The following UNC13B variants were observed in gnomAD, a reference collection of about 807,000 sequenced individuals.
UNC13B encodes the protein protein unc-13 homolog B.
Under a neutral mutation model 211.0 loss-of-function variants are expected in UNC13B, and 144 were observed. The observed-to-expected ratio is 0.68, with a 90% CI of 0.60 to 0.78. The LOEUF is 0.78. UNC13B is among the 30% of genes least tolerant of loss of function. UNC13B has a pLI of 0.00. For synonymous variants in UNC13B, 709 were observed against 725.8 expected, an observed-to-expected ratio of 0.98 and a Z score of 0.37; for missense variants, 1,777 against 2,002.0, an observed-to-expected ratio of 0.89 and a Z score of 2.14.
chr9:35,245,869 A>G (rs1826065442), intron 6 of UNC13B, among the ~76,000 whole-genome samples: 1 of 152,138 alleles, frequency 6.6e-6, no homozygotes, highest in Non-Finnish European at 1.5e-5. Flanking sequence ...TATACCCAGT[A>G]ATGGGATGGC....
chr9:35,270,568 G>A (rs1356573050), intron 7 of UNC13B, among the ~76,000 whole-genome samples: 1 of 152,054 alleles, frequency 6.6e-6, no homozygotes, highest in Non-Finnish European at 1.5e-5. Context: ...TAAGACAACA[G>A]TCTTTAAGAT....
intron 1 of UNC13B, among the ~76,000 whole-genome samples, chr9:35,206,830 C>T (rs529640336): frequency 4.7e-5 from 7 of 148,280 alleles, no homozygotes; most frequent in South Asian, 4.3e-4. Flanking sequence ...GCTGAGATCG[C>T]GCCACTGCAC....
chr9:35,181,793 G>A (rs1680988111), intron 1 of UNC13B, among the ~76,000 whole-genome samples: 2 of 152,102 alleles, frequency 1.3e-5, no homozygotes, highest in Admixed American at 1.3e-4. Context: ...GGCCAGATCA[G>A]CCACTGCACT....
chr9:35,178,281 G>A (rs1821746354), intron 1 of UNC13B, among the ~76,000 whole-genome samples: 4 of 152,086 alleles, frequency 2.6e-5, no homozygotes, highest in Admixed American at 2.6e-4. Context: ...AGGCCAAGAC[G>A]GGTAGATCAC....
chr9:35,328,979 G>A (rs1369738978), intron 11 of UNC13B, among the ~76,000 whole-genome samples: 1 of 151,804 alleles, frequency 6.6e-6, no homozygotes, highest in African/African-American at 2.4e-5. Context: ...CACTGTGTTA[G>A]CTAAGATGGT....
chr9:35,397,026 G>T (rs998882205), intron 28 of UNC13B, 89 bp downstream of exon 28: 10 of 1,599,570 alleles, frequency 6.3e-6, no homozygotes, highest in Non-Finnish European at 8.6e-6. Flanking sequence ...TGGCCAGGAT[G>T]GCTATGCCTG....
chr9:35,262,126 C>T (rs1424336373), intron 7 of UNC13B, among the ~76,000 whole-genome samples: 3 of 152,116 alleles, frequency 2.0e-5, no homozygotes, highest in Non-Finnish European at 4.4e-5. Context: ...TCATAGCCTT[C>T]CCCCGCCATG....
chr9:35,215,098 T>C (rs184135466), intron 1 of UNC13B, among the ~76,000 whole-genome samples: 132 of 152,296 alleles, frequency 8.7e-4, no homozygotes, highest in African/African-American at 3.1e-3. Context: ...AGAACAGTTG[T>C]TAAACATGAG....
At chr9:35,378,499 C>T in intron 17 of UNC13B, 63 bp downstream of exon 17, 1 of 1,599,936 alleles carries the variant, frequency 6.3e-7, no homozygotes, top group South Asian at 1.1e-5. Context: ...GGATCACATC[C>T]TGCCATTCTG....
chr9:35,382,161 T>G (rs1172492470), intron 20 of UNC13B, among the ~76,000 whole-genome samples, 196 bp from the exon 21 acceptor site: 1 of 152,182 alleles, frequency 6.6e-6, no homozygotes, highest in Admixed American at 6.5e-5. Context: ...GAATTCCAGA[T>G]TGCTATGAGA....
At chr9:35,175,862 T>TAA (rs33987246) in intron 1 of UNC13B, among the ~76,000 whole-genome samples, 8 of 149,172 alleles carry the variant, frequency 5.4e-5, no homozygotes, top group Admixed American at 1.3e-4. Context: ...ACTAAAAATA[T>TAA]ATAAAAAAAA....
At chr9:35,333,111 T>C (rs1173739741) in intron 11 of UNC13B, among the ~76,000 whole-genome samples, 2 of 151,938 alleles carry the variant, frequency 1.3e-5, no homozygotes, top group African/African-American at 4.9e-5. Context: ...GTTTATGTTA[T>C]AATTATAATG....
In UNC13B at chr9:35,162,125, G is replaced by A. The variant is rs1587259551; in HGVS notation, c.-159G>A. On this transcript the variant is annotated 5_prime_UTR_variant, in exon 1 of 40. Transcript: ENST00000635942. Reference sequence around the variant, plus strand: ...CGCTCAGACGGTGAGATTTGGGGCGGGTCCGAGGCAGCGGCGGGACGCTAC... The same window carrying A: ...CGCTCAGACGGTGAGATTTGGGGCGAGTCCGAGGCAGCGGCGGGACGCTAC... 4 of 1,124,128 alleles carry A rather than the reference G, an allele frequency of 3.6e-6. No individual in the cohort carries two copies. The highest frequency in any genetic ancestry group is 3.8e-6 in the Non-Finnish European group (3 of 784,524). The allele number at this position is 1,124,128 out of a possible 1,614,324, so 69.6% of individuals were successfully genotyped here.
chr9:35,398,533 G>C lies in UNC13B; in HGVS notation c.11833-21G>C, dbSNP rs774672865. 2.5e-6 allele frequency: 4 copies of C among 1,612,760 alleles called. No individual in the cohort carries two copies. In the Admixed American group the frequency reaches 5.0e-5, roughly 20 times the overall value. On this transcript the variant is annotated intron_variant, in intron 31 of 39. Coordinates refer to ENST00000635942, the MANE Select transcript of UNC13B (RefSeq NM_001371189.2). ...AGGGTAAGAAAAGCAGCCTAGCCAG[G>C]CTTACCTCCTGTGAATACAGCTGGA...
At chr9:35,171,709 C>A (rs1167310666) in intron 1 of UNC13B, among the ~76,000 whole-genome samples, 1 of 152,158 alleles carries the variant, frequency 6.6e-6, no homozygotes, top group African/African-American at 2.4e-5. Context: ...CTACCCCAGG[C>A]TAGTTTATTT....
chr9:35,175,443 A>C (rs1406669245), intron 1 of UNC13B, among the ~76,000 whole-genome samples: 1 of 152,244 alleles, frequency 6.6e-6, no homozygotes, highest in Non-Finnish European at 1.5e-5. Context: ...AGATGTGGTC[A>C]GAACTGTAGG....
chr9:35,293,754 C>T (rs1277840745), intron 7 of UNC13B, among the ~76,000 whole-genome samples: 1 of 151,976 alleles, frequency 6.6e-6, no homozygotes, highest in East Asian at 1.9e-4. Flanking sequence ...GCTTTGCATC[C>T]CTCTTGTTTG....
intron 11 of UNC13B, among the ~76,000 whole-genome samples, chr9:35,319,456 G>C (rs1384483384): frequency 6.9e-6 from 1 of 145,970 alleles, no homozygotes; most frequent in African/African-American, 2.5e-5. Context: ...GGGGATACCT[G>C]TGCAGGTTTG....
At chr9:35,169,993 G>C (rs916260524) in intron 1 of UNC13B, among the ~76,000 whole-genome samples, 1 of 152,094 alleles carries the variant, frequency 6.6e-6, no homozygotes, top group African/African-American at 2.4e-5. Flanking sequence ...ACGGAATCTA[G>C]ATAGGTTTTA....
Sources: gnomAD v4.1 joint callset for allele counts (sites outside exome capture counted in the v4.1 genomes callset) on GRCh38, gnomAD v4.1.1 for gene constraint, MANE v1.5 for transcripts, NCBI Gene and HGNC (gene_info 2026-07-23, HGNC 2026-07-21) for gene names.